Variants in BICD1 observed in about 807,000 individuals in gnomAD.
The protein encoded by BICD1 is protein bicaudal D homolog 1.
Under a neutral mutation model 92.5 loss-of-function variants are expected in BICD1, and 35 were observed. The observed-to-expected ratio is 0.38, with a 90% CI of 0.29 to 0.50. The LOEUF (loss-of-function observed/expected upper bound fraction) is 0.50, where lower values mean the gene tolerates loss of function less well. BICD1 is among the 20% of genes least tolerant of loss of function. BICD1 has a pLI of 0.93. For synonymous variants in BICD1, 429 were observed against 465.1 expected, an observed-to-expected ratio of 0.92 and a Z score of 1.00; for missense variants, 950 against 1,189.8, an observed-to-expected ratio of 0.80 and a Z score of 2.97.
At chr12:32,269,287 A>C (rs995913187) in intron 2 of BICD1, among the ~76,000 whole-genome samples, 2 of 152,244 alleles carry the variant, frequency 1.3e-5, no homozygotes, top group Admixed American at 6.5e-5. Context: ...AACTTAAAAT[A>C]AATGTTTCAG....
chr12:32,123,622 A>T (rs1447808049), intron 1 of BICD1, among the ~76,000 whole-genome samples: 4 of 152,224 alleles, frequency 2.6e-5, no homozygotes, highest in African/African-American at 9.6e-5. Context: ...CACGCCGGTA[A>T]TCCCAGCAGT....
At chr12:32,137,783 C>T (rs1942780719) in intron 1 of BICD1, among the ~76,000 whole-genome samples, 1 of 151,812 alleles carries the variant, frequency 6.6e-6, no homozygotes, top group South Asian at 2.1e-4. Context: ...GCCTCCATTA[C>T]TGGAGGCCAA....
chr12:32,276,007 G>A (rs792860), intron 2 of BICD1, among the ~76,000 whole-genome samples: 1 of 151,814 alleles, frequency 6.6e-6, no homozygotes, highest in Non-Finnish European at 1.5e-5. Flanking sequence ...TCTTGGAAGC[G>A]GCTTGCCACC....
At chr12:32,281,361 T>G (rs1947407622) in intron 2 of BICD1, among the ~76,000 whole-genome samples, 1 of 152,204 alleles carries the variant, frequency 6.6e-6, no homozygotes, top group Non-Finnish European at 1.5e-5. Flanking sequence ...TGCCAGTAGC[T>G]CTCCTAAAGA....
chr12:32,161,221 T>G (rs760154260), intron 1 of BICD1, among the ~76,000 whole-genome samples: 3 of 152,168 alleles, frequency 2.0e-5, no homozygotes, highest in Non-Finnish European at 4.4e-5. Flanking sequence ...TAGTGCTGAG[T>G]AGTAATCTCT....
intron 1 of BICD1, among the ~76,000 whole-genome samples, chr12:32,192,275 C>CA (rs1251152351): frequency 3.3e-5 from 5 of 150,072 alleles, no homozygotes; most frequent in African/African-American, 7.3e-5. Context: ...ACTAAAAATA[C>CA]AAAAAAAAAG....
At chr12:32,187,351 A>T (rs1049090544) in intron 1 of BICD1, among the ~76,000 whole-genome samples, 12 of 152,192 alleles carry the variant, frequency 7.9e-5, no homozygotes, top group South Asian at 4.1e-4. Flanking sequence ...AGTTTGTGAA[A>T]GAATGTCACT....
intron 4 of BICD1, among the ~76,000 whole-genome samples, chr12:32,309,131 CT>C (rs899208071): frequency 4.7e-5 from 7 of 148,722 alleles, no homozygotes; most frequent in African/African-American, 1.8e-4. Flanking sequence ...AGCCACACAT[CT>C]TTTTGGGTTA....
At chr12:32,130,543 G>GA (rs1277481525) in intron 1 of BICD1, among the ~76,000 whole-genome samples, 3 of 152,210 alleles carry the variant, frequency 2.0e-5, no homozygotes, top group Admixed American at 2.0e-4. Flanking sequence ...TGTAGAGGTA[G>GA]AAGTGTGAAT....
rs79241385 is a variant in BICD1, at chr12:32,347,643, A to T, written c.2764+8664A>T. Among the ~76,000 whole-genome samples the T allele has an allele frequency of 1.5e-4, 22 of 146,616 alleles. No homozygotes were observed. The South Asian group carries it at 2.0e-3, about 13-fold the overall frequency. The stretch of plus-strand genomic sequence containing the variant: ...ACAAGAACGAAACGCCATCTCAATT[A>T]AAAAAAAAGAAAAAGTTTGTACCTA... On this transcript the variant is annotated intron_variant, in intron 8 of 9. Coordinates refer to ENST00000652176, the MANE Select transcript of BICD1 (RefSeq NM_001714.4).
At position 32,337,413 on chromosome 12, in the gene BICD1, C is replaced by T; in HGVS notation, c.2253-86C>T. 5 of 1,282,426 alleles carry T rather than the reference C, an allele frequency of 3.9e-6. No individual in the cohort carries two copies. The highest frequency in any genetic ancestry group is 5.4e-6 in the Non-Finnish European group (5 of 921,232). 79.4% of individuals were successfully genotyped at this position (1,282,426 alleles called of 1,614,324 possible). A position where few individuals can be genotyped will look rare whatever the true frequency, so the allele number is the denominator to read the frequency against. On this transcript the variant is annotated intron_variant, in intron 6 of 9. Transcript: ENST00000652176. This position sits in a 1 kb window ranked among gnomAD's most constrained non-coding sequence, Gnocchi z 4.7. The stretch of plus-strand genomic sequence containing the variant: ...ACCAGTCTTCTAAATTTCTAAATTT[C>T]GGTCAAATTTATTACTTTTCAGCTT...
intron 9 of BICD1, among the ~76,000 whole-genome samples, chr12:32,376,544 T>C (rs1412573644): frequency 1.3e-5 from 2 of 151,974 alleles, no homozygotes; most frequent in African/African-American, 4.8e-5. Context: ...ACAGGCGTCG[T>C]TTGGAAAGTT....
chr12:32,230,177 G>A (rs574949515), intron 2 of BICD1, among the ~76,000 whole-genome samples: 35 of 152,176 alleles, frequency 2.3e-4, no homozygotes, highest in African/African-American at 8.4e-4. Flanking sequence ...ATAATCACCT[G>A]GGAGAGTGAA....
At chr12:32,199,069 T>C (rs149425954) in intron 1 of BICD1, among the ~76,000 whole-genome samples, 2 of 152,066 alleles carry the variant, frequency 1.3e-5, no homozygotes, top group Non-Finnish European at 2.9e-5. Flanking sequence ...TTTGAGGCTG[T>C]TGGGGGATGA....
chr12:32,216,409 G>A lies in BICD1; in HGVS notation c.376G>A (p.Val126Ile), dbSNP rs528926009. The change falls in exon 2 of 10, where the codon GTA becomes ATA. Residue 126 changes from valine (V) to isoleucine (I), a missense_variant. Val to Ile is a conservative substitution (Grantham distance 29, BLOSUM62 3). Around this residue, in one of 5 missense-constraint regions of BICD1, gnomAD observed 202 missense variants for 205.3 expected, o/e 0.98. Transcript: ENST00000652176. The stretch of plus-strand genomic sequence containing the variant: ...ACAGAGCCGGGCTGTGGTCACTAAT[G>A]TACAGGCAGAAAACGAGAGGCTCAC... ...LKQSRAVVTN[V>I]QAENERLTAV... The A allele has an allele frequency of 1.1e-5, 17 of 1,614,202 alleles. No homozygotes were observed. In the South Asian group the frequency reaches 1.6e-4, roughly 16 times the overall value.
chr12:32,225,621 G>GTTTTTTTTTTTTTTTTTTTTTTTTTTTT lies in BICD1; in HGVS notation c.426+9182_426+9183insTTTTTTTTTTTTTTTTTTTTTTTTTTTT, dbSNP rs58895470. On this transcript the variant is annotated intron_variant, in intron 2 of 9. Coordinates refer to ENST00000652176, the MANE Select transcript of BICD1 (RefSeq NM_001714.4). Reference sequence around the variant, plus strand: ...TGGTATTTGACAGTTCTTTTTTTCTGTTTTTTTTTTTTTTTTTTTTAGACG... The same window carrying GTTTTTTTTTTTTTTTTTTTTTTTTTTTT: ...TGGTATTTGACAGTTCTTTTTTTCTGTTTTTTTTTTTTTTTTTTTTTTTTTTTTTTTTTTTTTTTTTTTTTTTTAGACG... 3.0e-4 allele frequency among the ~76,000 whole-genome samples: 28 copies of GTTTTTTTTTTTTTTTTTTTTTTTTTTTT among 92,782 alleles called. 2 individuals are homozygous for GTTTTTTTTTTTTTTTTTTTTTTTTTTTT. Among genetic ancestry groups the GTTTTTTTTTTTTTTTTTTTTTTTTTTTT allele is most frequent in the Non-Finnish European group, 4.1e-4 (19 of 46,876 alleles). The allele number at this position is 92,782 out of a possible 152,430, so 60.9% of individuals were successfully genotyped here. A position where few individuals can be genotyped will look rare whatever the true frequency, so the allele number is the denominator to read the frequency against.
At position 32,210,122 on chromosome 12, in the gene BICD1, GT is replaced by G. The variant is rs113612356; in HGVS notation, c.214-6113del. On this transcript the variant is annotated intron_variant, in intron 1 of 9. Transcript: ENST00000652176. ...TAGAATACATGCTCTGGATCACAGA[GT>G]TTTTTTTTTTTGTTTTCCCAGAACA... 1.5e-3 allele frequency among the ~76,000 whole-genome samples: 224 copies of G among 145,550 alleles called. 1 individual carries two copies. Among genetic ancestry groups the G allele is most frequent in the Middle Eastern group, 3.6e-3 (1 of 278 alleles).
Position 32,313,382 on chromosome 12 carries a change from A to G in BICD1, c.1005+7260A>G, listed in dbSNP as rs562361139. ...ATATTTGCTTAATTGGTTGCTGCTT[A>G]TAACAACTGTATGGGGTAGAGAGTA... On this transcript the variant is annotated intron_variant, in intron 4 of 9. Coordinates refer to ENST00000652176, the MANE Select transcript of BICD1 (RefSeq NM_001714.4). The surrounding 1 kb of genome is among the most constrained non-coding windows in gnomAD (Gnocchi z 4.2). 6.6e-6 allele frequency among the ~76,000 whole-genome samples: 1 copy of G among 152,320 alleles called. No individual in the cohort carries two copies. The highest frequency in any genetic ancestry group is 2.1e-4 in the South Asian group (1 of 4,826).
Position 32,331,684 on chromosome 12 carries a change from T to C in BICD1, c.2101-2832T>C, listed in dbSNP as rs1203622419. Among the ~76,000 whole-genome samples the C allele has an allele frequency of 2.6e-5, 4 of 152,146 alleles. No individual in the cohort carries two copies. The East Asian group carries it at 5.8e-4, about 22-fold the overall frequency. ...TGACATGAGGTCAGGTGTAGAATTT[T>C]GTGGCTCATGTCAGCACTCAAAAGG... On this transcript the variant is annotated intron_variant, in intron 5 of 9. Coordinates refer to ENST00000652176, the MANE Select transcript of BICD1 (RefSeq NM_001714.4).
Sources: allele counts gnomAD v4.1 joint callset (sites outside exome capture counted in the v4.1 genomes callset), GRCh38; gene constraint gnomAD v4.1.1; regional missense constraint gnomAD v4.1.1; non-coding constraint Gnocchi (gnomAD v3.1); transcripts MANE v1.5; gene names NCBI Gene and HGNC (gene_info 2026-07-23, HGNC 2026-07-21).